The following FHIT variants were observed in gnomAD, a reference collection of about 807,000 sequenced individuals.
FHIT encodes fragile histidine triad diadenosine triphosphatase.
A neutral mutation model predicts 17.9 loss-of-function variants in FHIT; 19 were observed. The ratio of observed to expected loss-of-function variants is 1.06; its 90% CI spans 0.74 to 1.56. FHIT has a LOEUF of 1.56. Ranked by LOEUF, FHIT falls within the 40% of genes most tolerant of loss-of-function variation. The pLI is 0.00. For synonymous variants in FHIT, 81 were observed against 69.7 expected, an observed-to-expected ratio of 1.16 and a Z score of -0.81; for missense variants, 248 against 189.2, an observed-to-expected ratio of 1.31 and a Z score of -1.82.
chr3:59,918,069 A>G (rs1403825278), intron 8 of FHIT, among the ~76,000 whole-genome samples: 1 of 152,176 alleles, frequency 6.6e-6, no homozygotes, highest in Non-Finnish European at 1.5e-5. Context: ...CATTAAATTC[A>G]CCTCAGATGG....
rs533703850 is a variant in FHIT, at chr3:60,957,198, A to G, written c.-111+84849T>C. 2.2e-5 allele frequency among the ~76,000 whole-genome samples: 3 copies of G among 137,020 alleles called. No homozygotes were observed. In the South Asian group the frequency reaches 7.2e-4, roughly 33 times the overall value. 89.9% of individuals were successfully genotyped at this position (137,020 alleles called of 152,430 possible). A position where few individuals can be genotyped will look rare whatever the true frequency, so the allele number is the denominator to read the frequency against. On this transcript the variant is annotated intron_variant, in intron 3 of 9. Coordinates refer to ENST00000492590, the MANE Select transcript of FHIT (RefSeq NM_002012.4). ...TCACACAAAAGCAAACTAGAGCCAG[A>G]AAAACACAGCACCATCTTCTTCTTT...
At chr3:61,068,715 T>G (rs2034699550) in intron 2 of FHIT, among the ~76,000 whole-genome samples, 1 of 152,078 alleles carries the variant, frequency 6.6e-6, no homozygotes, top group African/African-American at 2.4e-5. Context: ...GATTCTGTGG[T>G]TAGGGAACAC....
intron 5 of FHIT, among the ~76,000 whole-genome samples, chr3:60,338,657 T>A (rs538427537): frequency 6.6e-6 from 1 of 152,190 alleles, no homozygotes; most frequent in Non-Finnish European, 1.5e-5. Flanking sequence ...AGATGTTGCC[T>A]GAGAAAGATA....
intron 3 of FHIT, among the ~76,000 whole-genome samples, chr3:60,861,480 T>C (rs1703891000): frequency 6.6e-6 from 1 of 151,218 alleles, no homozygotes; most frequent in East Asian, 2.0e-4. Flanking sequence ...ACCTCTCCAG[T>C]AGCCATGACA....
intron 5 of FHIT, among the ~76,000 whole-genome samples, chr3:60,250,218 T>G (rs915966183): frequency 1.3e-5 from 2 of 152,160 alleles, no homozygotes; most frequent in Non-Finnish European, 2.9e-5. Context: ...GCAAGATAGT[T>G]TCCAATTATC....
At chr3:60,843,191 AAGG>A (rs781996034) in intron 3 of FHIT, among the ~76,000 whole-genome samples, 8 of 152,158 alleles carry the variant, frequency 5.3e-5, no homozygotes, top group Admixed American at 2.0e-4. Flanking sequence ...ACAAGCTAAA[AAGG>A]AGAACCACAG....
chr3:60,973,630 G>T (rs1043582062), intron 3 of FHIT, among the ~76,000 whole-genome samples: 2 of 152,096 alleles, frequency 1.3e-5, no homozygotes, highest in African/African-American at 4.8e-5. Flanking sequence ...ATGTATTCAT[G>T]CTTTTATTTT....
At chr3:61,231,726 G>C (rs761265880) in intron 1 of FHIT, among the ~76,000 whole-genome samples, 5 of 152,118 alleles carry the variant, frequency 3.3e-5, no homozygotes, top group African/African-American at 1.2e-4. Flanking sequence ...CCTTCACAGA[G>C]AGTAACACCT....
intron 7 of FHIT, among the ~76,000 whole-genome samples, chr3:60,009,857 G>A (rs1700073920): frequency 6.6e-6 from 1 of 152,108 alleles, no homozygotes; most frequent in African/African-American, 2.4e-5. Context: ...AGAGCCTGTT[G>A]CATAGCAAAT....
At chr3:60,407,465 T>C (rs555767384) in intron 5 of FHIT, among the ~76,000 whole-genome samples, 7 of 152,164 alleles carry the variant, frequency 4.6e-5, no homozygotes, top group Non-Finnish European at 8.8e-5. Context: ...TTAAGAAATA[T>C]AGGCAAGTTT....
At chr3:59,753,698 A>G (rs1380730421) in intron 8 of FHIT, among the ~76,000 whole-genome samples, 1 of 152,104 alleles carries the variant, frequency 6.6e-6, no homozygotes, top group Non-Finnish European at 1.5e-5. Context: ...TATTTCTTTG[A>G]TATACATTAT....
At chr3:60,830,169 G>T (rs937948159) in intron 3 of FHIT, among the ~76,000 whole-genome samples, 7 of 151,660 alleles carry the variant, frequency 4.6e-5, no homozygotes, top group African/African-American at 1.7e-4. Context: ...CATATCTCTG[G>T]GTATCTTCCA....
intron 2 of FHIT, among the ~76,000 whole-genome samples, chr3:61,080,522 C>T (rs1024835207): frequency 6.6e-6 from 1 of 151,992 alleles, no homozygotes; most frequent in Non-Finnish European, 1.5e-5. Flanking sequence ...GTAGAAATAG[C>T]TTTTGTGCTA....
At chr3:60,805,068 T>C (rs1701334475) in intron 4 of FHIT, among the ~76,000 whole-genome samples, 1 of 152,206 alleles carries the variant, frequency 6.6e-6, no homozygotes, top group Non-Finnish European at 1.5e-5. Flanking sequence ...TTGCTCTGCA[T>C]AAATGAGTAG....
At chr3:60,553,904 T>A (rs2036653888) in intron 4 of FHIT, among the ~76,000 whole-genome samples, 1 of 151,902 alleles carries the variant, frequency 6.6e-6, no homozygotes, top group African/African-American at 2.4e-5. Flanking sequence ...TGGCCAACAC[T>A]GCAAAACCCT....
Position 60,536,950 on chromosome 3 carries a change from A to C in FHIT, c.13T>G (p.Phe5Val). ...GAGGGCTTGATGAGATGTTGGCCAAATCTGAACGACATGTCCTCACAGTTG... is the reference window on the plus strand; with the variant it reads ...GAGGGCTTGATGAGATGTTGGCCAACTCTGAACGACATGTCCTCACAGTTG... MSFR[F>V]GQHLIKPSVV... is the part of the protein sequence containing the mutation. Residue 5 changes from phenylalanine to valine, a missense_variant, in exon 5 of 10, where the codon TTT (phenylalanine) becomes GTT (valine). Physicochemically the swap from Phe to Val is conservative, Grantham distance 50 (BLOSUM62 -1). Transcript: ENST00000492590. 1 of 1,611,722 alleles carries C rather than the reference A, an allele frequency of 6.2e-7. No homozygotes were observed. The highest frequency in any genetic ancestry group is 8.5e-7 in the Non-Finnish European group (1 of 1,178,990).
At chr3:60,363,632 T>G (rs78917192) in intron 5 of FHIT, among the ~76,000 whole-genome samples, 14,209 of 152,072 alleles carry the variant, frequency 0.093, 1,743 homozygotes, top group African/African-American at 0.28. Context: ...CCACTGAATT[T>G]TAATGGTGTC....
rs529052622 is a variant in FHIT, at chr3:60,995,321, A to AAAT, written c.-111+46723_-111+46725dup. Among the ~76,000 whole-genome samples, 348 of 151,726 alleles carry AAAT rather than the reference A, an allele frequency of 2.3e-3. 1 individual carries two copies. The highest frequency in any genetic ancestry group is 7.7e-3 in the East Asian group (40 of 5,170). ...GGGGACAGAGCGAGACTCTGTCTCAAAATAATAATAATAATAATAATAGTT... is the reference window on the plus strand; with the variant it reads ...GGGGACAGAGCGAGACTCTGTCTCAAAATAATAATAATAATAATAATAATAGTT... On this transcript the variant is annotated intron_variant, in intron 3 of 9. Transcript: ENST00000492590.
intron 1 of FHIT, among the ~76,000 whole-genome samples, chr3:61,229,356 C>T (rs939359103): frequency 1.3e-5 from 2 of 152,162 alleles, no homozygotes; most frequent in Non-Finnish European, 2.9e-5. Context: ...CTAGAAGAGG[C>T]AAGGAAGTTT....
Sources: allele counts gnomAD v4.1 joint callset (sites outside exome capture counted in the v4.1 genomes callset), GRCh38; gene constraint gnomAD v4.1.1; transcripts MANE v1.5; gene names NCBI Gene and HGNC (gene_info 2026-07-23, HGNC 2026-07-21).